Variants in TENM2 observed in about 807,000 individuals in gnomAD.
TENM2 encodes the protein teneurin transmembrane protein 2, also known as teneurin-2.
Under a neutral mutation model 245.2 loss-of-function variants are expected in TENM2, and 52 were observed. The ratio of observed to expected loss-of-function variants is 0.21; its 90% CI spans 0.17 to 0.27. The LOEUF is 0.27. Ranked by LOEUF, TENM2 falls within the 10% of genes least tolerant of loss-of-function variation. The pLI is 1.00. For missense variants in TENM2, 3,046 were observed against 3,666.8 expected, an observed-to-expected ratio of 0.83 and a Z score of 4.37; for synonymous variants, 1,363 against 1,438.9, an observed-to-expected ratio of 0.95 and a Z score of 1.19.
chr5:168,168,422 G>A (rs1034715536), intron 13 of TENM2, among the ~76,000 whole-genome samples: 6 of 152,128 alleles, frequency 3.9e-5, no homozygotes, highest in Non-Finnish European at 5.9e-5. Flanking sequence ...GCTCACGCCC[G>A]TAATCCTAAC....
intron 2 of TENM2, among the ~76,000 whole-genome samples, chr5:167,507,492 G>A (rs1055014605): frequency 2.0e-5 from 3 of 152,042 alleles, no homozygotes; most frequent in Non-Finnish European, 2.9e-5. Context: ...AAAAAATTAG[G>A]ACACAGATTG....
At chr5:167,038,611 G>A in the TENM2 span, among the ~76,000 whole-genome samples, 1 of 152,150 alleles carries the variant, frequency 6.6e-6, no homozygotes, top group African/African-American at 2.4e-5. Context: ...AAAAGTTAGA[G>A]TTAGGCTAGA....
intron 27 of TENM2, among the ~76,000 whole-genome samples, chr5:168,258,509 A>C (rs1581794510): frequency 6.6e-6 from 1 of 152,122 alleles, no homozygotes; most frequent in African/African-American, 2.4e-5. Context: ...TCAAAAAAAA[A>C]CCAAAAAGTG....
At chr5:167,003,797 T>A in the TENM2 span, among the ~76,000 whole-genome samples, 2 of 152,222 alleles carry the variant, frequency 1.3e-5, no homozygotes, top group Admixed American at 6.5e-5. Flanking sequence ...AAGGAACTCA[T>A]TGTACATTAG....
chr5:167,515,669 G>GTATATATATACATATATA lies in TENM2; in HGVS notation c.502+140197_502+140198insATATATATACATATATAT. ...TATATACACATATATACGTATATAT[G>GTATATATATACATATATA]TGTATATATATTTTGAGAGGGAGTC... is the stretch of plus-strand genomic sequence containing the variant. On this transcript the variant is annotated intron_variant, in intron 2 of 28. Coordinates refer to ENST00000518659, the Ensembl canonical transcript of TENM2. Among the ~76,000 whole-genome samples, 46 of 78,832 alleles carry GTATATATATACATATATA rather than the reference G, an allele frequency of 5.8e-4. 4 individuals carry two copies. The East Asian group carries it at 7.6e-3, about 13-fold the overall frequency. 51.7% of individuals were successfully genotyped at this position (78,832 alleles called of 152,430 possible).
chr5:168,057,535 A>G (rs11747996), intron 6 of TENM2, among the ~76,000 whole-genome samples: 23,113 of 152,180 alleles, frequency 0.15, 1,962 homozygotes, highest in South Asian at 0.25. Flanking sequence ...TGGAAATTCA[A>G]CATAATCATT....
intron 2 of TENM2, among the ~76,000 whole-genome samples, chr5:167,467,753 C>A (rs1472102155): frequency 6.6e-6 from 1 of 152,060 alleles, no homozygotes; most frequent in Non-Finnish European, 1.5e-5. Flanking sequence ...GTAGGTTAGT[C>A]TACTAGCCCT....
At chr5:168,186,542 G>A (rs916051597) in intron 13 of TENM2, 5 of 152,172 alleles carry the variant, frequency 3.3e-5, no homozygotes, top group African/African-American at 1.2e-4. Context: ...CCACCGCAGT[G>A]TGGGCTGATT....
At chr5:167,853,053 G>A (rs1381492507) in intron 2 of TENM2, among the ~76,000 whole-genome samples, 1 of 150,994 alleles carries the variant, frequency 6.6e-6, no homozygotes, top group Non-Finnish European at 1.5e-5. Flanking sequence ...TTGGGAGGCC[G>A]AGGCGGGCGC....
At chr5:167,671,708 C>G (rs11949854) in intron 2 of TENM2, among the ~76,000 whole-genome samples, 1 of 150,782 alleles carries the variant, frequency 6.6e-6, no homozygotes, top group East Asian at 1.9e-4. Flanking sequence ...TAGGTATATT[C>G]TACGTAAATA....
chr5:168,166,713 T>A (rs1381164776), intron 13 of TENM2, among the ~76,000 whole-genome samples: 1 of 152,222 alleles, frequency 6.6e-6, no homozygotes, highest in East Asian at 1.9e-4. Context: ...CCATTCTATG[T>A]AATGAATTAA....
chr5:168,219,763 T>G (rs142588310), intron 23 of TENM2, among the ~76,000 whole-genome samples: 25 of 146,388 alleles, frequency 1.7e-4, no homozygotes, highest in African/African-American at 6.4e-4. Context: ...TCCTTGCTTG[T>G]GTTTTGTCTG....
At chr5:167,254,983 T>C in the TENM2 span, among the ~76,000 whole-genome samples, 1 of 152,012 alleles carries the variant, frequency 6.6e-6, no homozygotes, top group African/African-American at 2.4e-5. Flanking sequence ...ATTATTTCCT[T>C]ATAGGCCGTG....
At chr5:167,109,507 C>G in the TENM2 span, among the ~76,000 whole-genome samples, 1 of 152,164 alleles carries the variant, frequency 6.6e-6, no homozygotes. Context: ...TACCTAAATT[C>G]AAATGCTATA....
chr5:168,055,338 C>G (rs1239187876), intron 6 of TENM2, among the ~76,000 whole-genome samples: 1 of 152,176 alleles, frequency 6.6e-6, no homozygotes, highest in Non-Finnish European at 1.5e-5. Flanking sequence ...TAGGACATTT[C>G]TTAATCATTG....
chr5:167,065,082 A>AT, the TENM2 span, among the ~76,000 whole-genome samples: 2 of 152,004 alleles, frequency 1.3e-5, no homozygotes, highest in Non-Finnish European at 2.9e-5. Flanking sequence ...AGTAAATTTT[A>AT]TTTTTTTATT....
intron 2 of TENM2, among the ~76,000 whole-genome samples, chr5:167,716,294 A>G (rs188818393): frequency 5.3e-5 from 8 of 152,288 alleles, no homozygotes; most frequent in African/African-American, 1.9e-4. Context: ...CTTCTCCCAC[A>G]ATCTGCTAGT....
chr5:167,603,110 G>C (rs912389738), intron 2 of TENM2, among the ~76,000 whole-genome samples: 2 of 152,134 alleles, frequency 1.3e-5, no homozygotes, highest in African/African-American at 2.4e-5. Flanking sequence ...AAAGTGGTGT[G>C]AGAGAAGGTT....
intron 23 of TENM2, among the ~76,000 whole-genome samples, chr5:168,224,764 C>T (rs1562302135): frequency 6.6e-6 from 1 of 152,176 alleles, no homozygotes; most frequent in Non-Finnish European, 1.5e-5. Flanking sequence ...TTTTTACCCT[C>T]CAAGCAAAAT....
Sources: allele counts gnomAD v4.1 joint callset (sites outside exome capture counted in the v4.1 genomes callset), GRCh38; gene constraint gnomAD v4.1.1; transcripts MANE v1.5; gene names NCBI Gene and HGNC (gene_info 2026-07-23, HGNC 2026-07-21).